The following MYPN variants were observed in gnomAD, a reference collection of about 807,000 sequenced individuals.
MYPN encodes sarcomeric protein myopalladin, 145 kDa (MYOP).
Under a neutral mutation model 129.4 loss-of-function variants are expected in MYPN, and 63 were observed. The ratio of observed to expected loss-of-function variants is 0.49; its 90% CI spans 0.40 to 0.60. The LOEUF (loss-of-function observed/expected upper bound fraction) is 0.60. MYPN is among the 20% of genes least tolerant of loss of function. The pLI, the probability that MYPN is intolerant of heterozygous loss-of-function variation, is 0.00. For missense variants in MYPN, 1,596 were observed against 1,635.4 expected, an observed-to-expected ratio of 0.98 and a Z score of 0.42; for synonymous variants, 629 against 600.9, an observed-to-expected ratio of 1.05 and a Z score of -0.68.
intron 6 of MYPN, among the ~76,000 whole-genome samples, chr10:68,154,148 G>C (rs1417033576): frequency 6.6e-6 from 1 of 152,116 alleles, no homozygotes; most frequent in Non-Finnish European, 1.5e-5. Context: ...TTTAACTGTG[G>C]ATAGAGATAG....
intron 8 of MYPN, among the ~76,000 whole-genome samples, chr10:68,162,486 T>C (rs1171633799): frequency 1.3e-5 from 2 of 152,138 alleles, no homozygotes; most frequent in Non-Finnish European, 2.9e-5. Flanking sequence ...TGTTATTAGA[T>C]TTGGTTGGGA....
At chr10:68,127,615 G>A (rs557797656) in intron 2 of MYPN, among the ~76,000 whole-genome samples, 23 of 152,082 alleles carry the variant, frequency 1.5e-4, no homozygotes, top group African/African-American at 5.3e-4. Context: ...TTACAGGTGT[G>A]AGCCACCGTG....
chr10:68,132,157 T>C (rs890677496), intron 2 of MYPN, among the ~76,000 whole-genome samples: 2 of 152,208 alleles, frequency 1.3e-5, no homozygotes, highest in African/African-American at 4.8e-5. Flanking sequence ...AGGATTTTGT[T>C]GTAAGTTCTG....
At chr10:68,141,141 CG>C (rs1564657987) in intron 2 of MYPN, among the ~76,000 whole-genome samples, 1 of 152,110 alleles carries the variant, frequency 6.6e-6, no homozygotes, top group African/African-American at 2.4e-5. Context: ...GAGGACAAGG[CG>C]GGTGGATCAC....
At chr10:68,165,081 G>A (rs527551102) in intron 8 of MYPN, among the ~76,000 whole-genome samples, 1 of 152,238 alleles carries the variant, frequency 6.6e-6, no homozygotes, top group South Asian at 2.1e-4. Context: ...TAAGTTTATT[G>A]TTATACATTT....
chr10:68,094,505 A>G (rs1339093085), intron 1 of MYPN, among the ~76,000 whole-genome samples: 1 of 151,850 alleles, frequency 6.6e-6, no homozygotes, highest in Non-Finnish European at 1.5e-5. Context: ...CAGGTGATCC[A>G]TCCACCTCGG....
intron 19 of MYPN, among the ~76,000 whole-genome samples, chr10:68,208,585 C>T (rs1255578023): frequency 1.3e-5 from 2 of 152,162 alleles, no homozygotes; most frequent in African/African-American, 4.8e-5. Flanking sequence ...AAACTCCCCA[C>T]CAATAAGCCC....
intron 12 of MYPN, among the ~76,000 whole-genome samples, chr10:68,182,467 T>TACACACAC (rs1218846362): frequency 8.9e-6 from 1 of 112,744 alleles, no homozygotes; most frequent in African/African-American, 3.7e-5. Context: ...ATATATAACA[T>TACACACAC]ATATACACAC....
upstream of MYPN, among the ~76,000 whole-genome samples, chr10:68,103,963 G>A (rs925006015): frequency 6.6e-6 from 1 of 152,050 alleles, no homozygotes; most frequent in African/African-American, 2.4e-5. Context: ...ACAACAACAA[G>A]CCTCTAAAAG....
intron 2 of MYPN, among the ~76,000 whole-genome samples, chr10:68,133,721 G>C (rs1489213077): frequency 1.3e-5 from 2 of 151,884 alleles, no homozygotes; most frequent in African/African-American, 2.4e-5. Flanking sequence ...CAGAGCAGCT[G>C]TGTAGGTCAG....
At chr10:68,191,949 C>A (rs975605862) in intron 13 of MYPN, among the ~76,000 whole-genome samples, 1 of 152,120 alleles carries the variant, frequency 6.6e-6, no homozygotes, top group Non-Finnish European at 1.5e-5. Context: ...CATCTGCAAG[C>A]AAGGATAATT....
At chr10:68,172,811 G>A (rs1433337633) in intron 10 of MYPN, among the ~76,000 whole-genome samples, 6 of 151,990 alleles carry the variant, frequency 3.9e-5, no homozygotes, top group Non-Finnish European at 5.9e-5. Flanking sequence ...GGTGGCTCGC[G>A]CCTGTAATCC....
chr10:68,157,847 A>C (rs115194970), intron 6 of MYPN, among the ~76,000 whole-genome samples: 3 of 86,272 alleles, frequency 3.5e-5, no homozygotes, highest in East Asian at 2.3e-4. Context: ...GTCTCAGAAA[A>C]AAACAAACAA....
At position 68,201,857 on chromosome 10, in the gene MYPN, C is replaced by A. The variant is rs1160604856; in HGVS notation, c.3522C>A (p.Ile1174=). Residue 1174 remains isoleucine (I), a synonymous_variant, in exon 18 of 20, where the codon ATC becomes ATA. Coordinates refer to ENST00000358913, the MANE Select transcript of MYPN (RefSeq NM_032578.4). ...AAGAGGTGAAGAAAGCACCTGTGAT[C>A]CTGGAGAAACTACAGAACTGCGGTG... ...VAKEVKKAPV[I]LEKLQNCGVP... is the part of the protein sequence containing the mutation. The A allele has an allele frequency of 6.2e-7, 1 of 1,614,130 alleles. No individual in the cohort carries two copies. Among genetic ancestry groups the A allele is most frequent in the Non-Finnish European group, 8.5e-7 (1 of 1,180,018 alleles).
chr10:68,102,122 C>CTTT (rs35930233), upstream of MYPN, among the ~76,000 whole-genome samples: 294 of 108,408 alleles, frequency 2.7e-3, 7 homozygotes, highest in East Asian at 0.012. Context: ...TTTCTCTCTC[C>CTTT]TTTTTTTTTT....
At chr10:68,122,396 C>T (rs1366877494) in intron 2 of MYPN, 56 bp downstream of exon 2, 1 of 1,568,896 alleles carries the variant, frequency 6.4e-7, no homozygotes, top group Non-Finnish European at 8.8e-7. Flanking sequence ...TACCATGACC[C>T]TCCCAAGTAT....
chr10:68,157,196 G>A (rs1389951131), intron 6 of MYPN, among the ~76,000 whole-genome samples: 2 of 152,248 alleles, frequency 1.3e-5, no homozygotes, highest in African/African-American at 2.4e-5. Flanking sequence ...AATTTACAAC[G>A]TATTTTACAA....
intron 15 of MYPN, 60 bp from the exon 16 acceptor site, chr10:68,197,292 T>C (rs1163972144): frequency 2.6e-5 from 42 of 1,596,406 alleles, no homozygotes; most frequent in Non-Finnish European, 3.4e-6. Flanking sequence ...TAAATGCCTA[T>C]TATCATAAGT....
At chr10:68,126,486 A>G (rs1449554627) in intron 2 of MYPN, among the ~76,000 whole-genome samples, 1 of 152,206 alleles carries the variant, frequency 6.6e-6, no homozygotes, top group African/African-American at 2.4e-5. Context: ...CACACCTGGA[A>G]AAAATGAAGC....
Sources: allele counts gnomAD v4.1 joint callset (sites outside exome capture counted in the v4.1 genomes callset), GRCh38; gene constraint gnomAD v4.1.1; transcripts MANE v1.5; gene names NCBI Gene and HGNC (gene_info 2026-07-23, HGNC 2026-07-21).